Variants in CAP2 observed in about 807,000 individuals in gnomAD.
CAP2 encodes adenylyl cyclase-associated protein 2.
A neutral mutation model predicts 57.7 loss-of-function variants in CAP2; 24 were observed. The observed-to-expected ratio is 0.42, with a 90% CI of 0.30 to 0.58. The LOEUF is 0.58. CAP2 is among the 20% of genes least tolerant of loss of function. The pLI, the probability that CAP2 is intolerant of heterozygous loss-of-function variation, is 0.22. For missense variants in CAP2, 501 were observed against 590.3 expected, an observed-to-expected ratio of 0.85 and a Z score of 1.57; for synonymous variants, 194 against 207.2, an observed-to-expected ratio of 0.94 and a Z score of 0.55.
At position 17,509,125 on chromosome 6, in the gene CAP2, A is replaced by G. The variant is rs182377102; in HGVS notation, c.530+1399A>G. Among the ~76,000 whole-genome samples, 87 of 152,318 alleles carry G rather than the reference A, an allele frequency of 5.7e-4. 1 individual carries two copies. Among genetic ancestry groups the G allele is most frequent in the African/African-American group, 1.9e-3 (78 of 41,570 alleles). ...CCAGAAGAAAAGGGTCTACAACAAT[A>G]TAAGACAAATTTTATATGGAATATA... On this transcript the variant is annotated intron_variant, in intron 6 of 12. Transcript: ENST00000229922.
intron 7 of CAP2, among the ~76,000 whole-genome samples, chr6:17,532,292 C>T (rs1427549254): frequency 1.3e-5 from 2 of 151,196 alleles, no homozygotes; most frequent in African/African-American, 2.4e-5. Flanking sequence ...AGGTGTGTGC[C>T]ACCATGCCTG....
Position 17,543,114 on chromosome 6 carries a change from G to GT in CAP2, c.1181dup (p.Ile395AspfsTer20). ...TGACAATGTGGTGGGCATTGTGGAA[G>GT]TGATCAACTCCCAGGACATTCAAAT... is the stretch of plus-strand genomic sequence containing the variant. On this transcript the variant is annotated frameshift_variant, in exon 11 of 13. Coordinates refer to ENST00000229922, the MANE Select transcript of CAP2 (RefSeq NM_006366.3). LOFTEE classifies it high-confidence loss of function. 1.2e-6 allele frequency: 2 copies of GT among 1,614,080 alleles called. No individual in the cohort carries two copies. Among genetic ancestry groups the GT allele is most frequent in the East Asian group, 4.5e-5 (2 of 44,880 alleles).
At chr6:17,542,462 C>T (rs1302848878) in intron 9 of CAP2, among the ~76,000 whole-genome samples, 4 of 109,394 alleles carry the variant, frequency 3.7e-5, no homozygotes, top group Non-Finnish European at 7.1e-5. Flanking sequence ...AGGGCTTAGA[C>T]CACTGCTGTG....
intron 7 of CAP2, among the ~76,000 whole-genome samples, chr6:17,534,716 C>T (rs1366387427): frequency 6.6e-6 from 1 of 152,146 alleles, no homozygotes; most frequent in East Asian, 1.9e-4. Flanking sequence ...GATGGGCACC[C>T]AAGGCTGCAG....
intron 3 of CAP2, among the ~76,000 whole-genome samples, chr6:17,456,876 T>G (rs2328105): frequency 0.65 from 98,470 of 152,004 alleles, 33,781 homozygotes; most frequent in African/African-American, 0.88. Flanking sequence ...AGCCTGTAGT[T>G]CTTCCAGTGA....
At chr6:17,489,364 G>A (rs968552305) in intron 4 of CAP2, among the ~76,000 whole-genome samples, 14 of 152,152 alleles carry the variant, frequency 9.2e-5, no homozygotes, top group African/African-American at 2.2e-4. Context: ...CCTGGTAGGC[G>A]GAGGCTGCAG....
intron 3 of CAP2, among the ~76,000 whole-genome samples, chr6:17,441,933 A>C (rs902630074): frequency 6.6e-6 from 1 of 152,144 alleles, no homozygotes; most frequent in African/African-American, 2.4e-5. Context: ...CAAATTTAAA[A>C]TTAAAAAAAA....
intron 4 of CAP2, among the ~76,000 whole-genome samples, chr6:17,465,697 T>C (rs75434606): frequency 0.022 from 3,381 of 152,276 alleles, 118 homozygotes; most frequent in African/African-American, 0.076. Flanking sequence ...CTGAAGTTTA[T>C]TGGGGACTTG....
chr6:17,514,102 G>A (rs999180654), intron 7 of CAP2, 148 bp downstream of exon 7: 31 of 621,808 alleles, frequency 5.0e-5, no homozygotes, highest in Admixed American at 8.1e-5. Flanking sequence ...GGTGGCTCAC[G>A]CCTGTAATCC....
intron 12 of CAP2, among the ~76,000 whole-genome samples, chr6:17,552,447 G>T (rs1763192532): frequency 6.6e-6 from 1 of 152,256 alleles, no homozygotes; most frequent in East Asian, 1.9e-4. Flanking sequence ...TCAGGAGTTT[G>T]AGACCAGCCT....
At chr6:17,531,012 G>T in intron 7 of CAP2, 1 of 1,091,866 alleles carries the variant, frequency 9.2e-7, no homozygotes, top group Non-Finnish European at 1.4e-6. Context: ...TAATTTGAAG[G>T]GCCACAGGAA....
chr6:17,434,196 A>G lies in CAP2; in HGVS notation c.222+7506A>G, dbSNP rs185877551. Among the ~76,000 whole-genome samples the G allele has an allele frequency of 2.6e-5, 4 of 151,444 alleles. No individual in the cohort carries two copies. In the East Asian group the frequency reaches 5.8e-4, roughly 22 times the overall value. On this transcript the variant is annotated intron_variant, in intron 3 of 12. Transcript: ENST00000229922. ...ATGTTTTTCTTTCTGCTTTTTTAGT[A>G]ATTTAATTTCTTTTCTTTTTTTTTC...
Position 17,543,072 on chromosome 6 carries a change from A to G in CAP2, c.1138A>G (p.Lys380Glu), listed in dbSNP as rs1762946479. 6.2e-7 allele frequency: 1 copy of G among 1,614,068 alleles called. No individual in the cohort carries two copies. Among genetic ancestry groups the G allele is most frequent in the South Asian group, 1.1e-5 (1 of 91,080 alleles). Reference sequence around the variant, plus strand: ...TTTTCTCCCCACAGACAACTGTAAAAAACTCGGCCTGGTGTTTGACAATGT... The same window carrying G: ...TTTTCTCCCCACAGACAACTGTAAAGAACTCGGCCTGGTGTTTGACAATGT... ...VNSIIIDNCK[K>E]LGLVFDNVVG... Residue 380 changes from lysine to glutamate, a missense_variant, in exon 11 of 13, where the codon AAA becomes GAA. Lys to Glu is a moderately conservative substitution (Grantham distance 56). Transcript: ENST00000229922.
chr6:17,510,557 A>C lies in CAP2; in HGVS notation c.530+2831A>C, dbSNP rs74562878. 7.2e-5 allele frequency among the ~76,000 whole-genome samples: 11 copies of C among 152,304 alleles called. No homozygotes were observed. The East Asian group carries it at 1.7e-3, about 24-fold the overall frequency. On this transcript the variant is annotated intron_variant, in intron 6 of 12. Coordinates refer to ENST00000229922, the MANE Select transcript of CAP2 (RefSeq NM_006366.3). ...GTTACAGACTTTTTGCATCAAGGCA[A>C]TTGTGCCCAATGATATGCCTCCAAA...
intron 4 of CAP2, among the ~76,000 whole-genome samples, chr6:17,465,317 T>A (rs1760833729): frequency 6.6e-6 from 1 of 152,158 alleles, no homozygotes; most frequent in Non-Finnish European, 1.5e-5. Flanking sequence ...CTCAGCCTCC[T>A]GAGTTGTTAT....
At position 17,540,769 on chromosome 6, in the gene CAP2, A is replaced by G. The variant is rs1762880527; in HGVS notation, c.827-204A>G. On this transcript the variant is annotated intron_variant, in intron 8 of 12. Coordinates refer to ENST00000229922, the MANE Select transcript of CAP2 (RefSeq NM_006366.3). Reference sequence around the variant, plus strand: ...ACTCCATTTAAAAAACAACAACAACAACAACAACTTACAGTGCTTCTGTCA... The same window carrying G: ...ACTCCATTTAAAAAACAACAACAACGACAACAACTTACAGTGCTTCTGTCA... Among the ~76,000 whole-genome samples, 5 of 152,134 alleles carry G rather than the reference A, an allele frequency of 3.3e-5. No homozygotes were observed. In the South Asian group the frequency reaches 1.0e-3, roughly 32 times the overall value.
At chr6:17,474,432 G>T (rs892209745) in intron 4 of CAP2, among the ~76,000 whole-genome samples, 4 of 152,018 alleles carry the variant, frequency 2.6e-5, no homozygotes, top group African/African-American at 9.7e-5. Context: ...AGTTGCTTCA[G>T]ATCTTTGTCA....
At chr6:17,421,697 C>T in intron 2 of CAP2, 21 bp downstream of exon 2, 3 of 1,613,586 alleles carry the variant, frequency 1.9e-6, no homozygotes, top group Non-Finnish European at 2.5e-6. Context: ...AAACTGTTGT[C>T]ATTCCTGGTC....
intron 7 of CAP2, among the ~76,000 whole-genome samples, chr6:17,534,433 A>G (rs1483463356): frequency 6.6e-6 from 1 of 152,154 alleles, no homozygotes; most frequent in African/African-American, 2.4e-5. Context: ...ATGGTAGGGA[A>G]GAGAACCCTG....
Sources: allele counts gnomAD v4.1 joint callset (sites outside exome capture counted in the v4.1 genomes callset), GRCh38; gene constraint gnomAD v4.1.1; transcripts MANE v1.5; gene names NCBI Gene and HGNC (gene_info 2026-07-23, HGNC 2026-07-21).